Variants in SLC9D1 observed in about 807,000 individuals in gnomAD.
SLC9D1 encodes the protein putative LAG1-interacting protein.
At chr13:113,544,989 G>A in the SLC9D1 span, among the ~76,000 whole-genome samples, 2 of 152,232 alleles carry the variant, frequency 1.3e-5, no homozygotes, top group Non-Finnish European at 2.9e-5. Context: ...CAGTCATTGG[G>A]TGTGTCTTGT....
chr13:113,548,148 G>A, the SLC9D1 span, among the ~76,000 whole-genome samples: 2 of 152,084 alleles, frequency 1.3e-5, no homozygotes, highest in South Asian at 4.1e-4. Flanking sequence ...TGGTGCCTTC[G>A]GGTGTTTGGA....
chr13:113,540,672 G>A, the SLC9D1 span, among the ~76,000 whole-genome samples: 1 of 152,288 alleles, frequency 6.6e-6, no homozygotes, highest in East Asian at 1.9e-4. Context: ...GTATTCTCTC[G>A]CATTCGTAGG....
At chr13:113,515,189 T>G in the SLC9D1 span, among the ~76,000 whole-genome samples, 8 of 152,218 alleles carry the variant, frequency 5.3e-5, no homozygotes, top group Non-Finnish European at 1.0e-4. Flanking sequence ...TTATTATAAT[T>G]CAAAACAGCA....
chr13:113,498,263 G>A, the SLC9D1 span: 2 of 1,102,446 alleles, frequency 1.8e-6, no homozygotes, highest in Non-Finnish European at 2.5e-6. Context: ...ATTTGACAAA[G>A]CAGGAGGATT....
the SLC9D1 span, chr13:113,503,708 A>T: frequency 1.6e-6 from 1 of 619,680 alleles, no homozygotes; most frequent in Non-Finnish European, 2.8e-6. Flanking sequence ...ATAGAATATG[A>T]TATTTCGGTT....
chr13:113,499,268 C>T, the SLC9D1 span, among the ~76,000 whole-genome samples: 1 of 152,156 alleles, frequency 6.6e-6, no homozygotes, highest in Non-Finnish European at 1.5e-5. Flanking sequence ...TTTTGGCTGG[C>T]TTCTCTACTG....
At chr13:113,517,109 C>T in the SLC9D1 span, among the ~76,000 whole-genome samples, 3,850 of 152,110 alleles carry the variant, frequency 0.025, 101 homozygotes, top group East Asian at 0.12. Flanking sequence ...CCCTTGTCTC[C>T]CTGGGAGTAA....
chr13:113,514,495 CA>C, the SLC9D1 span: 2 of 148,912 alleles, frequency 1.3e-5, no homozygotes, highest in African/African-American at 5.1e-5. Flanking sequence ...GCCATCCACA[CA>C]AGCCTGCTGC....
the SLC9D1 span, among the ~76,000 whole-genome samples, chr13:113,537,955 ATG>A: frequency 3.3e-5 from 5 of 151,764 alleles, no homozygotes; most frequent in Non-Finnish European, 7.4e-5. Flanking sequence ...GTGTGCATGC[ATG>A]TGTGTGCTTT....
At chr13:113,546,164 G>A in the SLC9D1 span, among the ~76,000 whole-genome samples, 15 of 152,302 alleles carry the variant, frequency 9.8e-5, no homozygotes, top group African/African-American at 2.4e-4. The surrounding 1 kb of genome is among the most constrained non-coding windows in gnomAD (Gnocchi z 7.1). Flanking sequence ...GGGCCGTGAC[G>A]GTAGTGACTT....
At chr13:113,535,719 G>A in the SLC9D1 span, among the ~76,000 whole-genome samples, 28 of 152,248 alleles carry the variant, frequency 1.8e-4, no homozygotes, top group South Asian at 5.6e-3. The surrounding 1 kb of genome is among the most constrained non-coding windows in gnomAD (Gnocchi z 4.1). Flanking sequence ...CATTTATGAG[G>A]CGAGAAGATT....
the SLC9D1 span, among the ~76,000 whole-genome samples, chr13:113,546,350 C>T: frequency 6.6e-6 from 1 of 151,526 alleles, no homozygotes; most frequent in Non-Finnish European, 1.5e-5. This position sits in a 1 kb window ranked among gnomAD's most constrained non-coding sequence, Gnocchi z 7.1. Flanking sequence ...CACAGTGGGG[C>T]CAGGCTGGTG....
chr13:113,513,489 TAGTA>T, the SLC9D1 span, among the ~76,000 whole-genome samples: 1 of 152,040 alleles, frequency 6.6e-6, no homozygotes, highest in Middle Eastern at 3.2e-3. Context: ...AAACTCTAGA[TAGTA>T]AGAAGATAGG....
chr13:113,493,860 C>T, the SLC9D1 span, among the ~76,000 whole-genome samples: 26 of 152,314 alleles, frequency 1.7e-4, no homozygotes, highest in African/African-American at 5.5e-4. Context: ...TGAGCCTTCA[C>T]CGAGTCATCT....
the SLC9D1 span, chr13:113,539,568 A>G: frequency 5.8e-6 from 9 of 1,557,588 alleles, no homozygotes; most frequent in East Asian, 1.6e-4. This position sits in a 1 kb window ranked among gnomAD's most constrained non-coding sequence, Gnocchi z 4.8. Context: ...TGGTTCTGTA[A>G]TATGTTTACG....
At chr13:113,501,981 G>A in the SLC9D1 span, 1 of 955,486 alleles carries the variant, frequency 1.0e-6, no homozygotes, top group Non-Finnish European at 1.6e-6. Flanking sequence ...GCAGATACCA[G>A]CTTCGTATAA....
chr13:113,509,765 G>T, the SLC9D1 span, among the ~76,000 whole-genome samples: 3 of 152,044 alleles, frequency 2.0e-5, no homozygotes, highest in Admixed American at 2.0e-4. Flanking sequence ...CGATTGAAGC[G>T]TGCTTTCTTC....
the SLC9D1 span, among the ~76,000 whole-genome samples, chr13:113,515,741 A>G: frequency 0.18 from 27,947 of 151,604 alleles, 3,362 homozygotes; most frequent in African/African-American, 0.35. Flanking sequence ...AATACAAAAA[A>G]TTAGCCGGGC....
the SLC9D1 span, chr13:113,495,482 T>A: frequency 1.2e-6 from 1 of 807,906 alleles, no homozygotes; most frequent in Non-Finnish European, 2.0e-6. Context: ...TAACTATGTG[T>A]GACAATAACT....
Sources: allele counts gnomAD v4.1 joint callset (sites outside exome capture counted in the v4.1 genomes callset), GRCh38; gene constraint gnomAD v4.1.1; non-coding constraint Gnocchi (gnomAD v3.1); transcripts MANE v1.5; gene names NCBI Gene and HGNC (gene_info 2026-07-23, HGNC 2026-07-21).